NAV2: variants seen among roughly 807,000 people sequenced by gnomAD.
NAV2 encodes the protein neuron navigator 2.
A neutral mutation model predicts 223.2 loss-of-function variants in NAV2; 54 were observed. That is an observed-to-expected ratio of 0.24 (90% CI 0.19 to 0.30). NAV2 has a LOEUF of 0.30. Ranked by LOEUF, NAV2 falls within the 10% of genes least tolerant of loss-of-function variation. The pLI is 1.00. For missense variants in NAV2, 2,806 were observed against 3,147.5 expected (o/e 0.89, Z 2.60); for synonymous variants, 1,279 against 1,239.3 (o/e 1.03, Z -0.67).
At chr11:19,937,144 ACAAAC>A (rs1319695874) in intron 7 of NAV2, among the ~76,000 whole-genome samples, 2 of 152,152 alleles carry the variant, frequency 1.3e-5, no homozygotes, top group African/African-American at 4.8e-5. Flanking sequence ...TCAAAAACAA[ACAAAC>A]CAAAAAGCCA....
At chr11:19,610,876 C>A (rs1243823925) in intron 1 of NAV2, among the ~76,000 whole-genome samples, 4 of 151,994 alleles carry the variant, frequency 2.6e-5, no homozygotes, top group African/African-American at 9.7e-5. Context: ...TCATAAGACC[C>A]CAGGCCTACT....
intron 1 of NAV2, among the ~76,000 whole-genome samples, chr11:19,644,444 C>T (rs912977198): frequency 3.3e-5 from 5 of 152,220 alleles, no homozygotes; most frequent in Non-Finnish European, 7.3e-5. Flanking sequence ...TGAATTAATG[C>T]ATCTCATATA....
At chr11:19,708,474 T>C (rs995154359), upstream of NAV2, among the ~76,000 whole-genome samples, 7 of 152,172 alleles carry the variant, frequency 4.6e-5, no homozygotes, top group African/African-American at 1.7e-4. Flanking sequence ...CCTGCATTTT[T>C]TTGTGACAGG....
At chr11:19,428,952 C>T (rs1371330074) in intron 1 of NAV2, among the ~76,000 whole-genome samples, 4 of 152,232 alleles carry the variant, frequency 2.6e-5, no homozygotes, top group Admixed American at 2.6e-4. Flanking sequence ...AAACGCCTTC[C>T]TGCTAGCTCC....
intron 1 of NAV2, among the ~76,000 whole-genome samples, chr11:19,700,011 G>A (rs947759158): frequency 6.6e-6 from 1 of 152,192 alleles, no homozygotes; most frequent in Non-Finnish European, 1.5e-5. Context: ...CCTTCACTTA[G>A]TGTCGTAGCA....
At chr11:19,815,153 C>T (rs1289656031) in intron 1 of NAV2, among the ~76,000 whole-genome samples, 2 of 151,804 alleles carry the variant, frequency 1.3e-5, no homozygotes, top group East Asian at 1.9e-4. Context: ...CATGAAGATA[C>T]GTTTTCACAC....
intron 1 of NAV2, among the ~76,000 whole-genome samples, chr11:19,747,709 G>A (rs936910469): frequency 1.3e-5 from 2 of 152,316 alleles, no homozygotes; most frequent in South Asian, 4.1e-4. Context: ...TTAGGCAGTA[G>A]CATTGATCTG....
At chr11:19,401,084 C>T (rs1379072121) in intron 1 of NAV2, among the ~76,000 whole-genome samples, 2 of 152,272 alleles carry the variant, frequency 1.3e-5, no homozygotes, top group East Asian at 3.9e-4. Flanking sequence ...AAAATAGAGC[C>T]TAATGGATTT....
At chr11:20,035,609 A>G (rs1288019244) in intron 11 of NAV2, among the ~76,000 whole-genome samples, 1 of 152,008 alleles carries the variant, frequency 6.6e-6, no homozygotes, top group African/African-American at 2.4e-5. Context: ...TAGTCCCCAG[A>G]CTCACTGCCC....
At chr11:19,355,618 T>A (rs1169883717) in intron 1 of NAV2, among the ~76,000 whole-genome samples, 2 of 152,220 alleles carry the variant, frequency 1.3e-5, no homozygotes, top group Non-Finnish European at 2.9e-5. Flanking sequence ...AGTAGTGGAA[T>A]TTCTAGTCTC....
intron 3 of NAV2, among the ~76,000 whole-genome samples, chr11:19,857,615 C>T (rs908258460): frequency 1.3e-5 from 2 of 152,168 alleles, no homozygotes; most frequent in Non-Finnish European, 2.9e-5. Context: ...TCTGTAGTCC[C>T]ACTCTGTCTA....
In NAV2 at chr11:20,055,803, C is replaced by T; in HGVS notation, c.4677C>T (p.Ser1559=). 6.2e-7 allele frequency: 1 copy of T among 1,614,118 alleles called. No homozygotes were observed. The change falls in exon 19 of 38, where the codon TCC becomes TCT. Residue 1559 remains serine, a synonymous_variant. Coordinates refer to ENST00000349880, the MANE Select transcript of NAV2 (RefSeq NM_145117.5). ...CCACTGTCACCCAGATGAGCTTGTC[C>T]AACCCGACCATGCTGAGGACTCACA... ...SPTTVTQMSL[S]NPTMLRTHSL...
At chr11:20,116,805 A>G (rs574092601) in intron 37 of NAV2, among the ~76,000 whole-genome samples, 1 of 152,314 alleles carries the variant, frequency 6.6e-6, no homozygotes, top group East Asian at 1.9e-4. Flanking sequence ...GCCCAGGGCC[A>G]TATGTCTCTA....
intron 1 of NAV2, among the ~76,000 whole-genome samples, chr11:19,630,897 C>A (rs1184232013): frequency 8.8e-6 from 1 of 113,644 alleles, no homozygotes; most frequent in African/African-American, 3.2e-5. Context: ...CACATACACG[C>A]ACCCCAAAAC....
chr11:19,532,891 A>G (rs2044071008), intron 1 of NAV2, among the ~76,000 whole-genome samples: 1 of 152,198 alleles, frequency 6.6e-6, no homozygotes, highest in Non-Finnish European at 1.5e-5. Flanking sequence ...GGTCAACAGA[A>G]AGGAAGGCAA....
chr11:19,391,503 T>G (rs1267706859), intron 1 of NAV2, among the ~76,000 whole-genome samples: 5 of 152,324 alleles, frequency 3.3e-5, no homozygotes, highest in Admixed American at 2.6e-4. Flanking sequence ...TCAATGACAC[T>G]GAGAATAATG....
chr11:19,877,830 T>A (rs940178336), intron 4 of NAV2, among the ~76,000 whole-genome samples: 1 of 152,240 alleles, frequency 6.6e-6, no homozygotes, highest in East Asian at 1.9e-4. Context: ...ACTATAGATA[T>A]GTCACTTCAC....
intron 1 of NAV2, among the ~76,000 whole-genome samples, chr11:19,374,309 G>GTTT (rs10533713): frequency 2.4e-5 from 3 of 124,590 alleles, no homozygotes; most frequent in East Asian, 2.4e-4. Context: ...TTCCGAAAAG[G>GTTT]TTTTTTTTTT....
intron 1 of NAV2, among the ~76,000 whole-genome samples, chr11:19,418,001 A>G (rs1373180921): frequency 1.3e-5 from 2 of 152,162 alleles, no homozygotes; most frequent in Admixed American, 1.3e-4. Flanking sequence ...GATAGCATTA[A>G]CAGAAATACC....
Sources: allele counts gnomAD v4.1 joint callset (sites outside exome capture counted in the v4.1 genomes callset), GRCh38; gene constraint gnomAD v4.1.1; transcripts MANE v1.5; gene names NCBI Gene and HGNC (gene_info 2026-07-23, HGNC 2026-07-21).